The following CPEB3 variants were observed in gnomAD, a reference collection of about 807,000 sequenced individuals.
CPEB3 encodes cytoplasmic polyadenylation element binding protein 3, also known as cytoplasmic polyadenylation element-binding protein 3.
In CPEB3, 20 loss-of-function variants were observed where a neutral mutation model predicts 67.2. The ratio of observed to expected loss-of-function variants is 0.30; its 90% CI spans 0.21 to 0.43. The LOEUF is 0.43. Ranked by LOEUF, CPEB3 falls within the 20% of genes least tolerant of loss-of-function variation. CPEB3 has a pLI of 1.00. For missense variants in CPEB3, 746 were observed against 968.6 expected (o/e 0.77, Z 3.05); for synonymous variants, 376 against 393.1 (o/e 0.96, Z 0.51).
At chr10:92,176,649 A>G (rs1282424677) in intron 4 of CPEB3, among the ~76,000 whole-genome samples, 1 of 152,258 alleles carries the variant, frequency 6.6e-6, no homozygotes, top group African/African-American at 2.4e-5. Flanking sequence ...ACTTGGAAAA[A>G]GAGGAACTGA....
intron 2 of CPEB3, among the ~76,000 whole-genome samples, chr10:92,235,264 G>A (rs1209080304): frequency 6.6e-6 from 1 of 152,084 alleles, no homozygotes; most frequent in Non-Finnish European, 1.5e-5. Context: ...TGACTAATAG[G>A]GCGAAATTCC....
At chr10:92,262,585 GC>G (rs960912940) in intron 1 of CPEB3, among the ~76,000 whole-genome samples, 14 of 152,082 alleles carry the variant, frequency 9.2e-5, no homozygotes, top group Admixed American at 6.6e-5. Flanking sequence ...GGTAGCTCAC[GC>G]CTATAATCCC....
Position 92,051,287 on chromosome 10 carries a change from C to T in CPEB3, c.*925G>A, listed in dbSNP as rs973378549. 1.3e-5 allele frequency: 2 copies of T among 152,576 alleles called. No individual in the cohort carries two copies. The highest frequency in any genetic ancestry group is 6.5e-5 in the Admixed American group (1 of 15,272). 9.5% of individuals were successfully genotyped at this position (152,576 alleles called of 1,614,324 possible). A position where few individuals can be genotyped will look rare whatever the true frequency, so the allele number is the denominator to read the frequency against. ...ATTCTTAATTTGTGCATTGTGGGAA[C>T]GTTTTATACTAGACATTGGATATAA... On this transcript the variant is annotated 3_prime_UTR_variant, in exon 10 of 10. Coordinates refer to ENST00000265997, the MANE Select transcript of CPEB3 (RefSeq NM_014912.5).
chr10:92,180,713 C>G (rs1848421724), intron 4 of CPEB3, among the ~76,000 whole-genome samples: 1 of 152,162 alleles, frequency 6.6e-6, no homozygotes, highest in Admixed American at 6.5e-5. Context: ...TGTTAAAATA[C>G]AGACCTCCGG....
intron 6 of CPEB3, chr10:92,119,211 C>T: frequency 6.3e-7 from 1 of 1,582,418 alleles, no homozygotes; most frequent in Non-Finnish European, 8.7e-7. Flanking sequence ...ATTACATTCA[C>T]CCATCTTTCT....
At chr10:92,156,345 T>C (rs1174498055) in intron 4 of CPEB3, among the ~76,000 whole-genome samples, 4 of 152,028 alleles carry the variant, frequency 2.6e-5, no homozygotes, top group African/African-American at 9.7e-5. Flanking sequence ...ATAATGATGT[T>C]GGTGAAAGAG....
chr10:92,070,289 C>T (rs1842705533), intron 9 of CPEB3, among the ~76,000 whole-genome samples: 1 of 152,132 alleles, frequency 6.6e-6, no homozygotes, highest in African/African-American at 2.4e-5. Context: ...ATAAACCAGC[C>T]TTTCTTTAAA....
intron 1 of CPEB3, among the ~76,000 whole-genome samples, chr10:92,282,427 C>T (rs760675364): frequency 2.0e-4 from 30 of 152,138 alleles, no homozygotes; most frequent in Non-Finnish European, 1.0e-4. Flanking sequence ...CAGTGGCTCA[C>T]GCCTGTAATC....
chr10:92,289,547 A>T (rs2135142806), intron 1 of CPEB3, among the ~76,000 whole-genome samples: 1 of 151,512 alleles, frequency 6.6e-6, no homozygotes, highest in South Asian at 2.1e-4. Flanking sequence ...ATCTCTCAAA[A>T]TCAATGAATT....
In CPEB3 at chr10:92,086,517, G is replaced by T. The variant is rs575495672; in HGVS notation, c.1688-5016C>A. Among the ~76,000 whole-genome samples, 6 of 152,212 alleles carry T rather than the reference G, an allele frequency of 3.9e-5. 1 individual carries two copies. Among genetic ancestry groups the T allele is most frequent in the African/African-American group, 1.2e-4 (5 of 41,534 alleles). On this transcript the variant is annotated intron_variant, in intron 8 of 9. Coordinates refer to ENST00000265997, the MANE Select transcript of CPEB3 (RefSeq NM_014912.5). ...CAGCTTAATAAAGTATCTTTCTTTC[G>T]ACCTGAGAAAGACCAGTTACTCTAT...
chr10:92,084,394 T>C (rs761217565), intron 8 of CPEB3, among the ~76,000 whole-genome samples: 3 of 152,114 alleles, frequency 2.0e-5, no homozygotes, highest in Non-Finnish European at 2.9e-5. Context: ...TGAACTTATA[T>C]GTAGTTGCTT....
intron 4 of CPEB3, among the ~76,000 whole-genome samples, chr10:92,149,692 C>T (rs1414404742): frequency 6.6e-6 from 1 of 152,098 alleles, no homozygotes; most frequent in Non-Finnish European, 1.5e-5. Context: ...TAAAGTTGGC[C>T]TTGGAAATGA....
At chr10:92,116,932 A>T (rs1037814157) in intron 6 of CPEB3, among the ~76,000 whole-genome samples, 1 of 152,146 alleles carries the variant, frequency 6.6e-6, no homozygotes, top group African/African-American at 2.4e-5. Flanking sequence ...TTTCTGGGAG[A>T]AAAAGGAACA....
intron 2 of CPEB3, among the ~76,000 whole-genome samples, chr10:92,225,086 T>C (rs1850904007): frequency 6.6e-6 from 1 of 151,786 alleles, no homozygotes; most frequent in Admixed American, 6.6e-5. Context: ...GCAATTCTCC[T>C]GCCTTACCCT....
intron 6 of CPEB3, among the ~76,000 whole-genome samples, chr10:92,112,311 A>T (rs1440125338): frequency 6.6e-6 from 1 of 151,698 alleles, no homozygotes; most frequent in Non-Finnish European, 1.5e-5. Flanking sequence ...CATCCGTCTA[A>T]TTTTTGTATT....
intron 2 of CPEB3, among the ~76,000 whole-genome samples, chr10:92,233,432 G>A (rs1012574851): frequency 1.8e-4 from 28 of 151,878 alleles, no homozygotes; most frequent in African/African-American, 5.6e-4. Flanking sequence ...AGCTACCAGG[G>A]AGGTTGAGGA....
intron 6 of CPEB3, among the ~76,000 whole-genome samples, chr10:92,128,298 T>C (rs1402210995): frequency 6.6e-6 from 1 of 152,192 alleles, no homozygotes; most frequent in Non-Finnish European, 1.5e-5. Flanking sequence ...ACATACAGTA[T>C]AGTAACACTG....
At chr10:92,197,364 GA>G (rs964170474) in intron 2 of CPEB3, among the ~76,000 whole-genome samples, 1 of 152,070 alleles carries the variant, frequency 6.6e-6, no homozygotes, top group African/African-American at 2.4e-5. Context: ...AAAAAGGATA[GA>G]AAAAAACAGA....
chr10:92,155,060 T>G (rs1847140008), intron 4 of CPEB3, among the ~76,000 whole-genome samples: 1 of 152,034 alleles, frequency 6.6e-6, no homozygotes, highest in Non-Finnish European at 1.5e-5. Context: ...AATACAAAAA[T>G]TAGCCGGGTA....
Sources: gnomAD v4.1 joint callset for allele counts (sites outside exome capture counted in the v4.1 genomes callset) on GRCh38, gnomAD v4.1.1 for gene constraint, MANE v1.5 for transcripts, NCBI Gene and HGNC (gene_info 2026-07-23, HGNC 2026-07-21) for gene names.